The following PDCD2L variants were observed in gnomAD, a reference collection of about 807,000 sequenced individuals.
PDCD2L encodes programmed cell death 2 like.
A neutral mutation model predicts 40.4 loss-of-function variants in PDCD2L; 44 were observed. The observed-to-expected ratio is 1.09, with a 90% CI of 0.86 to 1.40. The LOEUF is 1.40. Ranked by LOEUF, PDCD2L falls within the 40% of genes most tolerant of loss-of-function variation. The pLI is 0.00. For synonymous variants in PDCD2L, 194 were observed against 174.6 expected, an observed-to-expected ratio of 1.11 and a Z score of -0.88; for missense variants, 470 against 453.7, an observed-to-expected ratio of 1.04 and a Z score of -0.33.
At position 34,404,399 on chromosome 19, in the gene PDCD2L, A is replaced by C. The variant is rs1325913359; in HGVS notation, c.-32A>C. Reference sequence around the variant, plus strand: ...TGCGCGTGCGCAGAGAGGCCGCCGTAGTTTGCGTTTTCACCTGGTCGCCCG... The same window carrying C: ...TGCGCGTGCGCAGAGAGGCCGCCGTCGTTTGCGTTTTCACCTGGTCGCCCG... On this transcript the variant is annotated 5_prime_UTR_variant, in exon 1 of 7. Coordinates refer to ENST00000246535, the MANE Select transcript of PDCD2L (RefSeq NM_032346.2). The C allele has an allele frequency of 2.0e-6, 3 of 1,525,024 alleles. No individual in the cohort carries two copies. The highest frequency in any genetic ancestry group is 4.9e-5 in the East Asian group (2 of 40,632). 94.5% of individuals were successfully genotyped at this position (1,525,024 alleles called of 1,614,324 possible).
At chr19:34,423,846 C>T (rs1047546666) in intron 6 of PDCD2L, among the ~76,000 whole-genome samples, 1 of 152,114 alleles carries the variant, frequency 6.6e-6, no homozygotes, top group Admixed American at 6.6e-5. Flanking sequence ...TAAATGGATT[C>T]AGTGTTTATC....
At chr19:34,415,408 C>G (rs2075122714) in intron 5 of PDCD2L, among the ~76,000 whole-genome samples, 1 of 152,090 alleles carries the variant, frequency 6.6e-6, no homozygotes, top group Non-Finnish European at 1.5e-5. Flanking sequence ...GCCACTGTGA[C>G]TAGTGGGGGA....
Position 34,421,568 on chromosome 19 carries a change from G to A in PDCD2L, c.847G>A (p.Val283Ile), listed in dbSNP as rs2075151294. 2 of 1,613,974 alleles carry A rather than the reference G, an allele frequency of 1.2e-6. No homozygotes were observed. The highest frequency in any genetic ancestry group is 1.3e-5 in the African/African-American group (1 of 74,896). ...CTTTTTGACCTGCCCTACATCAGAA[G>A]TCACCGAGCTCCCAGCCTGCAGCCA... is the stretch of plus-strand genomic sequence containing the variant. The part of the protein sequence containing the change: ...PLFLTCPTSE[V>I]TELPACSQCG... The change falls in exon 6 of 7, where the codon GTC becomes ATC. Residue 283 changes from valine (V) to isoleucine (I), a missense_variant. Transcript: ENST00000246535.
Position 34,409,360 on chromosome 19 carries a change from C to T in PDCD2L, c.536C>T (p.Pro179Leu). 6.2e-7 allele frequency: 1 copy of T among 1,613,966 alleles called. No homozygotes were observed. Among genetic ancestry groups the T allele is most frequent in the Non-Finnish European group, 8.5e-7 (1 of 1,179,976 alleles). Residue 179 changes from proline to leucine, a missense_variant, in exon 4 of 7, where the codon CCT (proline) becomes CTT (leucine). Transcript: ENST00000246535. ...DAVLGAAHPV[P>L]PGLPLFLPYY... The stretch of plus-strand genomic sequence containing the variant: ...GTCCTGGGTGCTGCCCATCCTGTGC[C>T]TCCTGGGCTGCCGCTCTTCCTGCCC...
At chr19:34,405,114 G>T in intron 3 of PDCD2L, 124 bp downstream of exon 3, 3 of 765,794 alleles carry the variant, frequency 3.9e-6, no homozygotes, top group South Asian at 2.3e-5. Context: ...TTGCTTTTCT[G>T]AAGAACCATA....
intron 6 of PDCD2L, among the ~76,000 whole-genome samples, chr19:34,424,767 CAG>C (rs1599877325): frequency 9.2e-6 from 1 of 108,336 alleles, no homozygotes; most frequent in East Asian, 3.8e-4. Context: ...TTTTTTGAGA[CAG>C]AGTCTCACTC....
chr19:34,409,273 C>A lies in PDCD2L; in HGVS notation c.449C>A (p.Ala150Asp). ...PQFTLDFGNDASSAKDVDWTA... is the reference protein window; with the variant it reads ...PQFTLDFGNDDSSAKDVDWTA... ...TTTACCTTGGATTTTGGGAATGATG[C>A]CAGCAGTGCCAAAGACGTAGACTGG... is the stretch of plus-strand genomic sequence containing the variant. Residue 150 changes from alanine (A) to aspartate (D), a missense_variant, in exon 4 of 7, where the codon GCC becomes GAC. By Grantham distance (126) the Ala-to-Asp change is moderately radical (BLOSUM62 -2). Coordinates refer to ENST00000246535, the MANE Select transcript of PDCD2L (RefSeq NM_032346.2). 1.2e-6 allele frequency: 2 copies of A among 1,614,098 alleles called. No homozygotes were observed.
At chr19:34,422,882 A>AT (rs964043486) in intron 6 of PDCD2L, among the ~76,000 whole-genome samples, 1 of 150,780 alleles carries the variant, frequency 6.6e-6, no homozygotes, top group African/African-American at 2.4e-5. Context: ...AGCCCAGCTA[A>AT]TTTTTTTTTG....
At chr19:34,425,937 C>T (rs1038547438) in intron 6 of PDCD2L, 53 bp from the exon 7 acceptor site, 9 of 1,568,000 alleles carry the variant, frequency 5.7e-6, no homozygotes, top group Non-Finnish European at 7.8e-6. Context: ...CTTTTAGTAA[C>T]ATCAGTCTCA....
At position 34,404,484 on chromosome 19, in the gene PDCD2L, C is replaced by A. The variant is rs769825276; in HGVS notation, c.54C>A (p.His18Gln). 1.7e-5 allele frequency: 26 copies of A among 1,543,772 alleles called. No homozygotes were observed. In the African/African-American group the frequency reaches 3.4e-4, roughly 20 times the overall value. Residue 18 changes from histidine to glutamine, a missense_variant, in exon 1 of 7, where the codon CAC (histidine) becomes CAA (glutamine). Physicochemically the swap from His to Gln is conservative, Grantham distance 24. Transcript: ENST00000246535. ...VLLGLRDAPV[H>Q]GSPTGPGAWT... ...TGGGCCTTCGAGATGCGCCGGTGCA[C>A]GGCAGCCCCACAGGGCCGGGTGCCT...
chr19:34,408,929 C>G (rs1349780883), intron 3 of PDCD2L, among the ~76,000 whole-genome samples: 2 of 152,078 alleles, frequency 1.3e-5, no homozygotes, highest in African/African-American at 4.8e-5. Flanking sequence ...TTGAATAACC[C>G]CTGTACTATA....
At chr19:34,411,228 T>C (rs1599871081) in intron 4 of PDCD2L, among the ~76,000 whole-genome samples, 1 of 138,282 alleles carries the variant, frequency 7.2e-6, no homozygotes, top group Non-Finnish European at 1.5e-5. Context: ...TGCAGTGGTG[T>C]GGTGTGGTTA....
At position 34,404,494 on chromosome 19, in the gene PDCD2L, A is replaced by C. The variant is rs1460521734; in HGVS notation, c.64A>C (p.Thr22Pro). Residue 22 changes from threonine (T) to proline (P), a missense_variant, in exon 1 of 7, where the codon ACA (threonine) becomes CCA (proline). Physicochemically the swap from Thr to Pro is conservative, Grantham distance 38. Coordinates refer to ENST00000246535, the MANE Select transcript of PDCD2L (RefSeq NM_032346.2). Reference protein sequence around the residue: ...LRDAPVHGSPTGPGAWTASKL... With the variant: ...LRDAPVHGSPPGPGAWTASKL... ...AGATGCGCCGGTGCACGGCAGCCCC[A>C]CAGGGCCGGGTGCCTGGACTGCTAG... The C allele has an allele frequency of 1.3e-6, 2 of 1,543,362 alleles. No individual in the cohort carries two copies. The highest frequency in any genetic ancestry group is 2.4e-5 in the East Asian group (1 of 40,938).
chr19:34,414,052 T>C (rs1459126367), intron 5 of PDCD2L, among the ~76,000 whole-genome samples: 1 of 152,206 alleles, frequency 6.6e-6, no homozygotes, highest in Non-Finnish European at 1.5e-5. Flanking sequence ...CACTCACTTG[T>C]CTAACAAATA....
rs769381916 is a variant in PDCD2L at position 34,409,169 on chromosome 19, A to C, written c.345A>C (p.Gly115=). The C allele has an allele frequency of 1.4e-5, 22 of 1,608,584 alleles. No individual in the cohort carries two copies. The Admixed American group carries it at 3.5e-4, about 26-fold the overall frequency. The change falls in exon 4 of 7, where the codon GGA becomes GGC. Residue 115 remains glycine, a synonymous_variant. Transcript: ENST00000246535. ...EREAQDAQKQ[G]NSLAAEDWCE... is the part of the protein sequence containing the mutation. Reference sequence around the variant, plus strand: ...ACTGAGTATTTTTCCAGAAACAGGGAAACAGCCTTGCAGCTGAGGACTGGT... The same window carrying C: ...ACTGAGTATTTTTCCAGAAACAGGGCAACAGCCTTGCAGCTGAGGACTGGT...
In PDCD2L at chr19:34,409,098, G is replaced by A. The variant is rs539977136; in HGVS notation, c.337-63G>A. ...GAAGGCGCGGCGGTGGGTGGCTGGA[G>A]CCGAAGGATTAGAATAAACCTCCCA... On this transcript the variant is annotated intron_variant, in intron 3 of 6. Coordinates refer to ENST00000246535, the MANE Select transcript of PDCD2L (RefSeq NM_032346.2). 5 of 1,485,274 alleles carry A rather than the reference G, an allele frequency of 3.4e-6. No homozygotes were observed. In the African/African-American group the frequency reaches 6.9e-5, roughly 20 times the overall value. The allele number at this position is 1,485,274 out of a possible 1,614,324, so 92.0% of individuals were successfully genotyped here.
intron 6 of PDCD2L, among the ~76,000 whole-genome samples, chr19:34,423,695 T>C (rs1041682792): frequency 1.3e-5 from 2 of 150,894 alleles, no homozygotes; most frequent in Non-Finnish European, 2.9e-5. Context: ...GGTTTCGCCA[T>C]GTTGGCTGGT....
chr19:34,405,105 T>G, intron 3 of PDCD2L, 115 bp downstream of exon 3: 1 of 1,082,364 alleles, frequency 9.2e-7, no homozygotes, highest in Non-Finnish European at 1.3e-6. Flanking sequence ...GAGTGTTTTT[T>G]GCTTTTCTGA....
intron 3 of PDCD2L, among the ~76,000 whole-genome samples, chr19:34,405,595 C>T (rs1187637521): frequency 3.3e-5 from 5 of 151,402 alleles, no homozygotes; most frequent in Non-Finnish European, 5.9e-5. Flanking sequence ...GGGAGGATTG[C>T]TTGAGCTCAG....
Sources: gnomAD v4.1 joint callset for allele counts (sites outside exome capture counted in the v4.1 genomes callset) on GRCh38, gnomAD v4.1.1 for gene constraint, MANE v1.5 for transcripts, NCBI Gene and HGNC (gene_info 2026-07-23, HGNC 2026-07-21) for gene names.